TRHDE: variants seen among roughly 807,000 people sequenced by gnomAD.
TRHDE encodes thyrotropin-releasing hormone-degrading ectoenzyme.
A neutral mutation model predicts 125.7 loss-of-function variants in TRHDE; 72 were observed. The observed-to-expected ratio is 0.57, with a 90% CI of 0.47 to 0.70. The LOEUF (loss-of-function observed/expected upper bound fraction) is 0.70, where lower values mean the gene tolerates loss of function less well. TRHDE is among the 30% of genes least tolerant of loss of function. TRHDE has a pLI of 0.00. For missense variants in TRHDE, 1,110 were observed against 1,327.1 expected (o/e 0.84, Z 2.54); for synonymous variants, 509 against 509.1 (o/e 1.00, Z 0.00).
intron 12 of TRHDE, among the ~76,000 whole-genome samples, chr12:72,588,538 GA>G (rs1439328375): frequency 1.3e-5 from 2 of 152,116 alleles, no homozygotes; most frequent in African/African-American, 4.8e-5. Context: ...GTTTTTTTCA[GA>G]GTAAAAGGTA....
intron 12 of TRHDE, among the ~76,000 whole-genome samples, chr12:72,593,509 A>T (rs10879454): frequency 0.067 from 10,172 of 150,748 alleles, 409 homozygotes; most frequent in Middle Eastern, 0.11. Context: ...AGGGAGTTTT[A>T]CTCTTTTATT....
chr12:72,365,101 T>C (rs970393991), intron 2 of TRHDE, among the ~76,000 whole-genome samples: 10 of 152,134 alleles, frequency 6.6e-5, no homozygotes, highest in Admixed American at 5.2e-4. Context: ...TACTGCTTAT[T>C]GTGCAGGAGA....
intron 12 of TRHDE, among the ~76,000 whole-genome samples, chr12:72,585,731 C>CA (rs1341005930): frequency 1.3e-5 from 2 of 152,150 alleles, no homozygotes; most frequent in Non-Finnish European, 2.9e-5. Flanking sequence ...TTGAGGTAGA[C>CA]AAAGACTACT....
intron 17 of TRHDE, among the ~76,000 whole-genome samples, chr12:72,654,774 AT>A (rs1287609392): frequency 6.6e-6 from 1 of 152,076 alleles, no homozygotes; most frequent in African/African-American, 2.4e-5. Flanking sequence ...TTGTTGAATT[AT>A]TCCTCTCTTT....
intron 18 of TRHDE, among the ~76,000 whole-genome samples, chr12:72,659,432 C>T (rs1394955875): frequency 6.6e-6 from 1 of 152,256 alleles, no homozygotes; most frequent in East Asian, 1.9e-4. Context: ...CCTAACATAC[C>T]TCACTGTTGT....
intron 2 of TRHDE, among the ~76,000 whole-genome samples, chr12:72,374,502 A>G (rs777894317): frequency 6.6e-6 from 1 of 152,118 alleles, no homozygotes; most frequent in Non-Finnish European, 1.5e-5. Context: ...GTTATCACCC[A>G]GGCACTGAGC....
intron 2 of TRHDE, among the ~76,000 whole-genome samples, chr12:72,117,009 T>G (rs550547393): frequency 1.3e-5 from 2 of 152,166 alleles, no homozygotes; most frequent in Non-Finnish European, 2.9e-5. Flanking sequence ...GTCTGATGGA[T>G]AGTTTGCAAT....
chr12:72,461,845 A>G (rs537351202), intron 3 of TRHDE, among the ~76,000 whole-genome samples: 1 of 152,292 alleles, frequency 6.6e-6, no homozygotes, highest in Middle Eastern at 3.4e-3. Context: ...GAGGCCTATG[A>G]TGCATTCAAT....
At chr12:72,191,005 A>G (rs747362362) in intron 2 of TRHDE, among the ~76,000 whole-genome samples, 7 of 152,234 alleles carry the variant, frequency 4.6e-5, no homozygotes, top group Non-Finnish European at 8.8e-5. Flanking sequence ...ATATTTCTGC[A>G]TGCACTATAA....
chr12:72,337,776 T>A (rs998701326), intron 2 of TRHDE, among the ~76,000 whole-genome samples: 1 of 151,932 alleles, frequency 6.6e-6, no homozygotes, highest in Admixed American at 6.6e-5. Flanking sequence ...CTGCTGTTCC[T>A]AATATGCATC....
chr12:72,481,666 G>A lies in TRHDE; in HGVS notation c.1584+8486G>A, dbSNP rs759419083. On this transcript the variant is annotated intron_variant, in intron 5 of 18. Coordinates refer to ENST00000261180, the MANE Select transcript of TRHDE (RefSeq NM_013381.3). ...AACCATTAATTCAAAAGATATTTTT[G>A]CTAGAACATGTTTTGACACTGAGCT... 1.6e-4 allele frequency among the ~76,000 whole-genome samples: 23 copies of A among 146,472 alleles called. 1 individual carries two copies. The highest frequency in any genetic ancestry group is 6.7e-4 in the South Asian group (3 of 4,476).
intron 12 of TRHDE, among the ~76,000 whole-genome samples, chr12:72,612,694 C>G (rs904699211): frequency 8.5e-5 from 13 of 152,262 alleles, no homozygotes; most frequent in Admixed American, 8.5e-4. Flanking sequence ...AACATCATAA[C>G]TGGTATACAT....
chr12:72,127,960 T>G (rs1031583668), intron 2 of TRHDE, among the ~76,000 whole-genome samples: 1 of 151,918 alleles, frequency 6.6e-6, no homozygotes, highest in African/African-American at 2.4e-5. Context: ...ACTGAGAATC[T>G]GGGGGGACTA....
chr12:72,562,973 A>G lies in TRHDE; in HGVS notation c.1975A>G (p.Ile659Val), dbSNP rs1329351319. ...GNTTAENRII[I>V]TQQHFIYDIS... ...CACAACAGCAGAAAATAGAATAATA[A>G]TTACCCAACAGCATTTTATCTATGA... The change falls in exon 9 of 19, where the codon ATT becomes GTT. Residue 659 changes from isoleucine (I) to valine (V), a missense_variant. This residue lies in a region of TRHDE where 527 missense variants were observed against 651.8 expected (regional missense o/e 0.81). Transcript: ENST00000261180. 6.2e-7 allele frequency: 1 copy of G among 1,610,808 alleles called. No homozygotes were observed. Among genetic ancestry groups the G allele is most frequent in the African/African-American group, 1.3e-5 (1 of 74,874 alleles).
At chr12:72,516,150 C>G (rs757240385) in intron 6 of TRHDE, among the ~76,000 whole-genome samples, 3,290 of 151,112 alleles carry the variant, frequency 0.022, 70 homozygotes, top group Non-Finnish European at 0.024. Context: ...TCCATATGAA[C>G]TTTAAAGTAG....
chr12:72,322,713 T>G (rs1869152621), intron 2 of TRHDE, among the ~76,000 whole-genome samples: 1 of 152,166 alleles, frequency 6.6e-6, no homozygotes, highest in South Asian at 2.1e-4. Context: ...GATGATTGAT[T>G]GATTTTCAAT....
chr12:72,575,363 T>C lies in TRHDE; in HGVS notation c.2240T>C (p.Ile747Thr). Residue 747 changes from isoleucine (I) to threonine (T), a missense_variant, in exon 11 of 19, where the codon ATT becomes ACT. Physicochemically the swap from Ile to Thr is moderately conservative, Grantham distance 89. Coordinates refer to ENST00000261180, the MANE Select transcript of TRHDE (RefSeq NM_013381.3). ...NYDLRNWRLL[I>T]DQLIRNHEVL... ...GACCTAAGGAACTGGAGATTATTAA[T>C]TGATCAATTAATCCGGAATCATGAG... is the stretch of plus-strand genomic sequence containing the variant. The C allele has an allele frequency of 6.2e-7, 1 of 1,613,694 alleles. No homozygotes were observed. Among genetic ancestry groups the C allele is most frequent in the African/African-American group, 1.3e-5 (1 of 75,038 alleles).
chr12:72,388,796 TATC>T (rs1332548002), intron 3 of TRHDE, among the ~76,000 whole-genome samples: 5 of 151,876 alleles, frequency 3.3e-5, no homozygotes, highest in Non-Finnish European at 7.4e-5. Flanking sequence ...TTTGGATTAT[TATC>T]ATAGCTATCC....
chr12:72,156,969 C>A (rs1876527990), intron 2 of TRHDE, among the ~76,000 whole-genome samples: 1 of 152,060 alleles, frequency 6.6e-6, no homozygotes, highest in South Asian at 2.1e-4. Flanking sequence ...TGCACACATG[C>A]TGTTATTGCT....
Sources: allele counts gnomAD v4.1 joint callset (sites outside exome capture counted in the v4.1 genomes callset), GRCh38; gene constraint gnomAD v4.1.1; regional missense constraint gnomAD v4.1.1; transcripts MANE v1.5; gene names NCBI Gene and HGNC (gene_info 2026-07-23, HGNC 2026-07-21).